TBC1D8B: variants seen among roughly 807,000 people sequenced by gnomAD.
TBC1D8B encodes TBC1 domain family member 8B, also known as RP11-321G1.1.
In TBC1D8B, 75 loss-of-function variants were observed where a neutral mutation model predicts 82.9. The ratio of observed to expected loss-of-function variants is 0.90; its 90% CI spans 0.75 to 1.10. The LOEUF (loss-of-function observed/expected upper bound fraction) is 1.10, where lower values mean the gene tolerates loss of function less well. Among genes scored for constraint, TBC1D8B ranks in the 50% least tolerant of loss-of-function variants. TBC1D8B has a pLI of 0.00. For missense variants in TBC1D8B, 794 were observed against 796.9 expected (o/e 1.00, Z 0.04); for synonymous variants, 276 against 276.8 (o/e 1.00, Z 0.03).
chrX:106,859,588 C>T (rs1243896032), intron 14 of TBC1D8B, among the ~76,000 whole-genome samples: 1 of 111,782 alleles, frequency 8.9e-6, no homozygotes, highest in Non-Finnish European at 1.9e-5. Flanking sequence ...AATCTAGGAG[C>T]TTTTGGGCTG....
At chrX:106,805,625 CAT>C (rs997824867) in intron 1 of TBC1D8B, among the ~76,000 whole-genome samples, 174 of 112,341 alleles carry the variant, frequency 1.5e-3, no homozygotes, top group Middle Eastern at 9.1e-3. Flanking sequence ...GAAATTACCA[CAT>C]GAGAGCTACC....
intron 17 of TBC1D8B, among the ~76,000 whole-genome samples, 168 bp downstream of exon 17, chrX:106,867,030 C>G (rs1243370006): frequency 3.6e-5 from 4 of 111,786 alleles, no homozygotes; most frequent in Non-Finnish European, 7.5e-5. Flanking sequence ...GATATAGATA[C>G]AGTGATCTTC....
At chrX:106,826,976 T>C (rs372616579) in intron 6 of TBC1D8B, among the ~76,000 whole-genome samples, 194 bp from the exon 7 acceptor site, 6 of 111,534 alleles carry the variant, frequency 5.4e-5, no homozygotes, top group Non-Finnish European at 7.5e-5. Context: ...TTAGACCTTT[T>C]TCTTGAGAAG....
intron 8 of TBC1D8B, 125 bp downstream of exon 8, chrX:106,839,582 AG>A (rs1932255535): frequency 1.6e-6 from 1 of 613,098 alleles, no homozygotes; most frequent in African/African-American, 2.3e-5. Context: ...GTTTTCCAGC[AG>A]GTACTACTGT....
At position 106,816,660 on chromosome X, in the gene TBC1D8B, A is replaced by G. The variant is rs368497954; in HGVS notation, c.131-2003A>G. Among the ~76,000 whole-genome samples the G allele has an allele frequency of 1.4e-4, 16 of 110,679 alleles. No homozygotes were observed. In the East Asian group the frequency reaches 4.2e-3, roughly 29 times the overall value. On this transcript the variant is annotated intron_variant, in intron 1 of 20. Transcript: ENST00000357242. ...TTTTTTTCATATCAGATAACTTCTT[A>G]TCTCTATAATCTGCACATACTGCCA...
At chrX:106,857,695 T>A (rs1932726286) in intron 14 of TBC1D8B, among the ~76,000 whole-genome samples, 1 of 112,045 alleles carries the variant, frequency 8.9e-6, no homozygotes, top group Admixed American at 9.5e-5. Context: ...GTTAGTTCAC[T>A]TAGGATAACG....
rs767214545 is a variant in TBC1D8B at position 106,824,913 on chromosome X, C to G, written c.828-1117C>G. ...TATTACTTTTATAGTTTAAACAATA[C>G]AGAAGCACAGTAATGATAGTTAAGT... On this transcript the variant is annotated intron_variant, in intron 5 of 20. Transcript: ENST00000357242. 3.6e-5 allele frequency among the ~76,000 whole-genome samples: 4 copies of G among 111,369 alleles called. 1 individual carries two copies. The South Asian group carries it at 1.5e-3, about 41-fold the overall frequency.
rs750846146 is a variant in TBC1D8B, at chrX:106,871,939, G to T, written c.2967+1126G>T. On this transcript the variant is annotated intron_variant, in intron 20 of 20. Coordinates refer to ENST00000357242, the MANE Select transcript of TBC1D8B (RefSeq NM_017752.3). ...GAGCTTCTCTCCACGTGGAGTTGGG[G>T]TGCACCACCCTCCCGGCATGAGGAT... Among the ~76,000 whole-genome samples the T allele has an allele frequency of 4.5e-5, 5 of 111,373 alleles. No individual in the cohort carries two copies. In the East Asian group the frequency reaches 1.1e-3, roughly 25 times the overall value.
In TBC1D8B at chrX:106,818,945, GT is replaced by G. The variant is rs370976127; in HGVS notation, c.241+188del. On this transcript the variant is annotated intron_variant, in intron 2 of 20. Transcript: ENST00000357242. Reference sequence around the variant, plus strand: ...ATTTTTAAAGGATATGGGTTATTAAGTTTTTTTTTTTTTTTTAATCCATTGG... The same window carrying G: ...ATTTTTAAAGGATATGGGTTATTAAGTTTTTTTTTTTTTTTAATCCATTGG... Among the ~76,000 whole-genome samples, 9,331 of 98,887 alleles carry G rather than the reference GT, an allele frequency of 0.094. 1,111 individuals are homozygous for G. The highest frequency in any genetic ancestry group is 0.31 in the African/African-American group (8,507 of 27,332). 85.9% of individuals were successfully genotyped at this position (98,887 alleles called of 115,157 possible). A position where few individuals can be genotyped will look rare whatever the true frequency, so the allele number is the denominator to read the frequency against.
chrX:106,870,690 G>A, intron 19 of TBC1D8B, 26 bp from the exon 20 acceptor site: 2 of 1,050,434 alleles, frequency 1.9e-6, no homozygotes. Context: ...TGTTCCTTAT[G>A]AAATGGTTTT....
At chrX:106,842,928 A>G (rs767677519) in intron 10 of TBC1D8B, among the ~76,000 whole-genome samples, 8 of 111,633 alleles carry the variant, frequency 7.2e-5, no homozygotes, top group African/African-American at 2.3e-4. Flanking sequence ...TGCACATTTT[A>G]TATAAATTGA....
At chrX:106,823,502 GT>G in intron 5 of TBC1D8B, 36 bp downstream of exon 5, 1 of 1,177,753 alleles carries the variant, frequency 8.5e-7, no homozygotes, top group Non-Finnish European at 1.1e-6. Flanking sequence ...TCAAAGTATT[GT>G]TTGACCATAA....
At chrX:106,830,018 T>C (rs781010201) in intron 7 of TBC1D8B, 10 of 111,378 alleles carry the variant, frequency 9.0e-5, no homozygotes, top group African/African-American at 3.3e-4. Context: ...ACCTACAAAA[T>C]GGGAGAAATT....
intron 10 of TBC1D8B, among the ~76,000 whole-genome samples, chrX:106,847,235 T>C (rs774924945): frequency 1.8e-4 from 20 of 111,813 alleles, no homozygotes; most frequent in Non-Finnish European, 2.8e-4. Flanking sequence ...AAATAATTTA[T>C]ATTAGATCCA....
chrX:106,810,597 TTCCATCCTGCTCTGAGCCAGAACA>T (rs1931338349), intron 1 of TBC1D8B, among the ~76,000 whole-genome samples: 1 of 112,073 alleles, frequency 8.9e-6, no homozygotes, highest in Non-Finnish European at 1.9e-5. Flanking sequence ...CCACAAGATA[TTCCATCCTGCTCTGAGCCAGAACA>T]ATTAAGTAAG....
chrX:106,814,270 G>T (rs1931467500), intron 1 of TBC1D8B: 1 of 109,213 alleles, frequency 9.2e-6, no homozygotes, highest in East Asian at 2.9e-4. Context: ...ATGGACATTT[G>T]GCTTGGTTCC....
At chrX:106,820,434 A>T (rs1021277767) in intron 2 of TBC1D8B, among the ~76,000 whole-genome samples, 3 of 111,616 alleles carry the variant, frequency 2.7e-5, no homozygotes, top group African/African-American at 9.7e-5. Flanking sequence ...ACATTTACTT[A>T]GCATGCATAG....
intron 17 of TBC1D8B, 38 bp downstream of exon 17, chrX:106,866,900 A>G: frequency 1.0e-6 from 1 of 973,649 alleles, no homozygotes; most frequent in Non-Finnish European, 1.4e-6. Context: ...TACAGCAGGA[A>G]TTTATTCCAT....
chrX:106,850,567 CT>C (rs1451980981), intron 12 of TBC1D8B, among the ~76,000 whole-genome samples: 1 of 111,751 alleles, frequency 8.9e-6, no homozygotes, highest in Non-Finnish European at 1.9e-5. Flanking sequence ...TATGCTAGGA[CT>C]TTCATATTCC....
Sources: gnomAD v4.1 joint callset for allele counts (sites outside exome capture counted in the v4.1 genomes callset) on GRCh38, gnomAD v4.1.1 for gene constraint, MANE v1.5 for transcripts, NCBI Gene and HGNC (gene_info 2026-07-23, HGNC 2026-07-21) for gene names.